Variants in MGAM2 observed in about 807,000 individuals in gnomAD.
MGAM2 encodes maltase-glucoamylase 2 (putative), also known as probable maltase-glucoamylase 2.
Under a neutral mutation model 96.1 loss-of-function variants are expected in MGAM2, and 98 were observed. That is an observed-to-expected ratio of 1.02 (90% confidence interval 0.87 to 1.21). The LOEUF is 1.21. MGAM2 is among the 50% of genes most tolerant of loss of function. The probability of loss-of-function intolerance (pLI) is 0.00; values close to 1 mark genes in which losing one functional copy is unlikely to be tolerated. For synonymous variants in MGAM2, 749 were observed against 414.8 expected, an observed-to-expected ratio of 1.81 and a Z score of -9.79; for missense variants, 2,055 against 1,182.4, an observed-to-expected ratio of 1.74 and a Z score of -10.82.
chr7:142,204,654 T>G (rs1171500579), intron 45 of MGAM2, among the ~76,000 whole-genome samples: 1 of 152,086 alleles, frequency 6.6e-6, no homozygotes, highest in Admixed American at 6.6e-5. Flanking sequence ...ACATAAAACA[T>G]TCCTGGCACA....
chr7:142,170,898 G>A (rs1332980377), intron 27 of MGAM2, among the ~76,000 whole-genome samples: 1 of 152,206 alleles, frequency 6.6e-6, no homozygotes. Flanking sequence ...CTCAAGAGAA[G>A]TTGTTCTAAG....
rs1409606800 is a variant in MGAM2, at chr7:142,148,220, C to A, written c.1634+647C>A. Among the ~76,000 whole-genome samples the A allele has an allele frequency of 6.6e-6, 1 of 151,836 alleles. No individual in the cohort carries two copies. The highest frequency in any genetic ancestry group is 1.5e-5 in the Non-Finnish European group (1 of 67,958). The stretch of plus-strand genomic sequence containing the variant: ...TTGCCATCACCACCACCATCACTAC[C>A]ACTACTATCACCATCACCACCACCA... On this transcript the variant is annotated intron_variant, in intron 15 of 47. Coordinates refer to ENST00000477922, the MANE Select transcript of MGAM2 (RefSeq NM_001293626.2). This position sits in a 1 kb window ranked among gnomAD's most constrained non-coding sequence, Gnocchi z 4.2.
At chr7:142,141,554 T>C (rs1795231044) in intron 12 of MGAM2, among the ~76,000 whole-genome samples, 1 of 152,120 alleles carries the variant, frequency 6.6e-6, no homozygotes, top group Non-Finnish European at 1.5e-5. Context: ...TGGCTGAGTG[T>C]AATGGCATGA....
intron 37 of MGAM2, 130 bp from the exon 38 acceptor site, chr7:142,196,024 C>T (rs1013944374): frequency 3.1e-6 from 2 of 653,570 alleles, no homozygotes; most frequent in African/African-American, 1.8e-5. Flanking sequence ...TTTGAGACAG[C>T]AGATTCTTTC....
chr7:142,180,373 T>C lies in MGAM2; in HGVS notation c.3817-2893T>C, dbSNP rs372462584. On this transcript the variant is annotated intron_variant, in intron 32 of 47. Transcript: ENST00000477922. ...TTTAGCTCTGCTCTGATTATGATCA[T>C]TTATTTTCTTCTGCGATCTTTGGGG... Among the ~76,000 whole-genome samples, 3 of 150,756 alleles carry C rather than the reference T, an allele frequency of 2.0e-5. No individual in the cohort carries two copies. The South Asian group carries it at 6.5e-4, about 33-fold the overall frequency.
chr7:142,219,080 A>G (rs1797848281), intron 47 of MGAM2, among the ~76,000 whole-genome samples: 1 of 152,230 alleles, frequency 6.6e-6, no homozygotes, highest in Admixed American at 6.5e-5. Context: ...CTACTAGAGG[A>G]TTCTAGAATC....
intron 10 of MGAM2, among the ~76,000 whole-genome samples, chr7:142,140,423 A>T (rs1415228346): frequency 6.6e-6 from 1 of 152,184 alleles, no homozygotes; most frequent in Non-Finnish European, 1.5e-5. Flanking sequence ...TTCTGGCTTG[A>T]TGCTTGGGTT....
intron 3 of MGAM2, among the ~76,000 whole-genome samples, chr7:142,127,033 C>T (rs1416421176): frequency 6.6e-6 from 1 of 152,208 alleles, no homozygotes; most frequent in African/African-American, 2.4e-5. Context: ...TCTTCCTGTC[C>T]TTGCAGACAA....
chr7:142,165,556 A>G (rs961946645), intron 24 of MGAM2, among the ~76,000 whole-genome samples: 4 of 152,178 alleles, frequency 2.6e-5, no homozygotes, highest in African/African-American at 9.7e-5. Context: ...TTCCATGTTG[A>G]CAAGACCTAT....
chr7:142,171,402 A>G lies in MGAM2; in HGVS notation c.3313A>G (p.Asn1105Asp). Reference sequence around the variant, plus strand: ...GACTTTCAGAAGAAACATGAACTGGAACACATGGGGAATGTTTGCTCATGA... The same window carrying G: ...GACTTTCAGAAGAAACATGAACTGGGACACATGGGGAATGTTTGCTCATGA... The part of the protein sequence containing the change: ...HTTFRRNMNW[N>D]TWGMFAHDEP... The change falls in exon 28 of 48, where the codon AAC (asparagine) becomes GAC (aspartate). Residue 1105 changes from asparagine (N) to aspartate (D), a missense_variant. Asn to Asp is a conservative substitution (Grantham distance 23). Coordinates refer to ENST00000477922, the MANE Select transcript of MGAM2 (RefSeq NM_001293626.2). 1.4e-6 allele frequency: 1 copy of G among 703,184 alleles called. No homozygotes were observed. 43.6% of individuals were successfully genotyped at this position (703,184 alleles called of 1,614,324 possible). A position where few individuals can be genotyped will look rare whatever the true frequency, so the allele number is the denominator to read the frequency against.
chr7:142,145,930 T>G (rs1318364525), intron 14 of MGAM2, among the ~76,000 whole-genome samples: 1 of 152,178 alleles, frequency 6.6e-6, no homozygotes, highest in Non-Finnish European at 1.5e-5. Context: ...GAACAGTCAG[T>G]GTATTCTGAT....
chr7:142,200,576 A>G (rs943896256), intron 45 of MGAM2, among the ~76,000 whole-genome samples: 12 of 152,168 alleles, frequency 7.9e-5, no homozygotes, highest in African/African-American at 2.9e-4. Context: ...CTATAGATAT[A>G]TGGACACACT....
chr7:142,116,287 C>T (rs986954436), intron 1 of MGAM2, among the ~76,000 whole-genome samples: 1 of 152,112 alleles, frequency 6.6e-6, no homozygotes, highest in African/African-American at 2.4e-5. Flanking sequence ...CTGGGAGCCA[C>T]GAAATTTATG....
chr7:142,216,135 T>C (rs1797753304), intron 46 of MGAM2, among the ~76,000 whole-genome samples: 1 of 152,226 alleles, frequency 6.6e-6, no homozygotes, highest in Non-Finnish European at 1.5e-5. Context: ...TGTTCCATCC[T>C]GCATTTGGCC....
At chr7:142,172,219 GCACCA>G (rs1563274705) in intron 29 of MGAM2, 25 bp downstream of exon 29, 4 of 700,028 alleles carry the variant, frequency 5.7e-6, no homozygotes, top group Admixed American at 4.0e-5. Context: ...CAGCTCCCAT[GCACCA>G]CCAGAAACAG....
intron 35 of MGAM2, 35 bp from the exon 36 acceptor site, chr7:142,187,715 A>T: frequency 1.4e-6 from 1 of 701,100 alleles, no homozygotes; most frequent in Non-Finnish European, 2.6e-6. Flanking sequence ...CCTGCCCCTG[A>T]CATGACGAGA....
rs1411958636 is a variant in MGAM2, at chr7:142,131,467, A to G, written c.311-51A>G. 4.4e-6 allele frequency: 3 copies of G among 688,836 alleles called. No homozygotes were observed. The South Asian group carries it at 4.5e-5, about 10-fold the overall frequency. The allele number at this position is 688,836 out of a possible 1,614,324, so 42.7% of individuals were successfully genotyped here. On this transcript the variant is annotated intron_variant, in intron 4 of 47. Transcript: ENST00000477922. ...AAAAACAAAAACAAAACAAAACCAA[A>G]CACTAAAAGTTAGTCTCCTTTTCTC...
At chr7:142,209,740 C>T (rs1797519790) in intron 46 of MGAM2, among the ~76,000 whole-genome samples, 1 of 152,092 alleles carries the variant, frequency 6.6e-6, no homozygotes, top group Non-Finnish European at 1.5e-5. Context: ...GTTTAGACTC[C>T]AGTTAACTTA....
chr7:142,186,279 A>C (rs1232092089), intron 35 of MGAM2, among the ~76,000 whole-genome samples, 156 bp downstream of exon 35: 1 of 152,152 alleles, frequency 6.6e-6, no homozygotes, highest in Admixed American at 6.5e-5. Flanking sequence ...GACCAAGAGA[A>C]GCAGAGATCA....
Sources: gnomAD v4.1 joint callset for allele counts (sites outside exome capture counted in the v4.1 genomes callset) on GRCh38, gnomAD v4.1.1 for gene constraint, Gnocchi (gnomAD v3.1) non-coding constraint, MANE v1.5 for transcripts, NCBI Gene and HGNC (gene_info 2026-07-23, HGNC 2026-07-21) for gene names.